TBC1D9: variants seen among roughly 807,000 people sequenced by gnomAD.
TBC1D9 encodes the protein TBC1 domain family member 9A.
A neutral mutation model predicts 132.0 loss-of-function variants in TBC1D9; 63 were observed. That is an observed-to-expected ratio of 0.48 (90% CI 0.39 to 0.59). The LOEUF (loss-of-function observed/expected upper bound fraction) is 0.59, where lower values mean the gene tolerates loss of function less well. Among genes scored for constraint, TBC1D9 ranks in the 20% least tolerant of loss-of-function variants. TBC1D9 has a pLI of 0.00. For missense variants in TBC1D9, 1,261 were observed against 1,592.7 expected (o/e 0.79, Z 3.54); for synonymous variants, 610 against 609.9 (o/e 1.00, Z 0.00).
chr4:140,675,261 A>G (rs1047556803), intron 6 of TBC1D9, among the ~76,000 whole-genome samples: 1 of 152,080 alleles, frequency 6.6e-6, no homozygotes, highest in African/African-American at 2.4e-5. Flanking sequence ...ATAAAGATAT[A>G]TTACTCTTAA....
chr4:140,659,023 T>C (rs547060680), intron 11 of TBC1D9, among the ~76,000 whole-genome samples: 10 of 152,300 alleles, frequency 6.6e-5, no homozygotes, highest in Admixed American at 2.6e-4. Flanking sequence ...AACAATATAC[T>C]GTACAACCCA....
At position 140,756,068 on chromosome 4, in the gene TBC1D9, C is replaced by G; in HGVS notation, c.-23G>C. On this transcript the variant is annotated 5_prime_UTR_variant, in exon 1 of 21. Coordinates refer to ENST00000442267, the MANE Select transcript of TBC1D9 (RefSeq NM_015130.3). This position sits in a 1 kb window ranked among gnomAD's most constrained non-coding sequence, Gnocchi z 5.6. Reference sequence around the variant, plus strand: ...CATGGTCCTGGCTGCCGCGGGCGGGCGCACAATGGGCCCGTGGGTCCAGTC... The same window carrying G: ...CATGGTCCTGGCTGCCGCGGGCGGGGGCACAATGGGCCCGTGGGTCCAGTC... 6.3e-7 allele frequency: 1 copy of G among 1,599,350 alleles called. No individual in the cohort carries two copies. Among genetic ancestry groups the G allele is most frequent in the Non-Finnish European group, 8.5e-7 (1 of 1,173,220 alleles).
chr4:140,640,392 A>T (rs914957873), intron 13 of TBC1D9, among the ~76,000 whole-genome samples: 1 of 145,050 alleles, frequency 6.9e-6, no homozygotes, highest in African/African-American at 2.5e-5. Context: ...TGCACTTTAC[A>T]TAAGATAAAC....
In TBC1D9 at chr4:140,679,858, A is replaced by G; in HGVS notation, c.361-15T>C. The G allele has an allele frequency of 6.3e-7, 1 of 1,594,644 alleles. No homozygotes were observed. The highest frequency in any genetic ancestry group is 8.6e-7 in the Non-Finnish European group (1 of 1,165,972). ...GCAATGATGCCCTAATAAGGAATAA[A>G]ACACAAAGCACACAACTGGTATTAA... On this transcript the variant is annotated splice_polypyrimidine_tract_variant and intron_variant, in intron 3 of 20. Transcript: ENST00000442267.
At chr4:140,737,623 G>A (rs889284333) in intron 1 of TBC1D9, among the ~76,000 whole-genome samples, 10 of 152,194 alleles carry the variant, frequency 6.6e-5, no homozygotes, top group Admixed American at 2.0e-4. Context: ...GTCACAGACA[G>A]TGATACATTC....
intron 1 of TBC1D9, among the ~76,000 whole-genome samples, chr4:140,709,348 A>T (rs1261775242): frequency 6.6e-6 from 1 of 151,400 alleles, no homozygotes; most frequent in Non-Finnish European, 1.5e-5. Context: ...TACACTGTTG[A>T]CTCAATTAGG....
chr4:140,689,083 G>A (rs1051242109), intron 2 of TBC1D9, among the ~76,000 whole-genome samples: 1 of 152,046 alleles, frequency 6.6e-6, no homozygotes, highest in Non-Finnish European at 1.5e-5. Flanking sequence ...GTACTCCTGG[G>A]AACCACAGGA....
rs182022263 is a variant in TBC1D9 at position 140,745,249 on chromosome 4, T to C, written c.130+10667A>G. On this transcript the variant is annotated intron_variant, in intron 1 of 20. Coordinates refer to ENST00000442267, the MANE Select transcript of TBC1D9 (RefSeq NM_015130.3). ...ATGTGCCTTGGACCACAGTCACTCATATTAGGCTCAGAATAGACTTCTTTA... is the reference window on the plus strand; with the variant it reads ...ATGTGCCTTGGACCACAGTCACTCACATTAGGCTCAGAATAGACTTCTTTA... Among the ~76,000 whole-genome samples the C allele has an allele frequency of 4.9e-4, 74 of 152,384 alleles. No individual in the cohort carries two copies. The East Asian group carries it at 0.012, about 25-fold the overall frequency.
At chr4:140,729,519 A>C (rs957647084) in intron 1 of TBC1D9, among the ~76,000 whole-genome samples, 5 of 152,182 alleles carry the variant, frequency 3.3e-5, no homozygotes, top group African/African-American at 1.2e-4. Context: ...TAGAATAAAA[A>C]ATAATGACAC....
intron 1 of TBC1D9, among the ~76,000 whole-genome samples, chr4:140,727,953 C>T (rs1051660323): frequency 1.7e-4 from 26 of 152,188 alleles, no homozygotes; most frequent in Non-Finnish European, 3.2e-4. Context: ...TAATTAAATT[C>T]TTTCTCCAGA....
chr4:140,694,944 A>T (rs1420831609), intron 2 of TBC1D9, among the ~76,000 whole-genome samples: 1 of 152,168 alleles, frequency 6.6e-6, no homozygotes, highest in Non-Finnish European at 1.5e-5. Flanking sequence ...CTGTGTTTCT[A>T]AAGATACGAG....
intron 2 of TBC1D9, among the ~76,000 whole-genome samples, chr4:140,691,933 C>T (rs1221044008): frequency 6.6e-6 from 1 of 152,158 alleles, no homozygotes; most frequent in African/African-American, 2.4e-5. Flanking sequence ...ATGATTCTAT[C>T]ACTTCTGGCC....
chr4:140,693,145 T>C (rs1737902368), intron 2 of TBC1D9, among the ~76,000 whole-genome samples: 3 of 152,212 alleles, frequency 2.0e-5, no homozygotes, highest in Admixed American at 2.0e-4. Flanking sequence ...TTTATTTTAA[T>C]AGAGACAGAG....
intron 2 of TBC1D9, among the ~76,000 whole-genome samples, chr4:140,689,443 T>TTTC (rs1737839689): frequency 4.5e-5 from 2 of 44,598 alleles, no homozygotes; most frequent in African/African-American, 2.1e-4. Context: ...CCCCTCCCAT[T>TTTC]CCTTCCCTTC....
At chr4:140,750,185 A>G (rs1286987844) in intron 1 of TBC1D9, among the ~76,000 whole-genome samples, 1 of 152,044 alleles carries the variant, frequency 6.6e-6, no homozygotes, top group East Asian at 1.9e-4. Flanking sequence ...TACAAAAATC[A>G]CCATACTTAA....
intron 13 of TBC1D9, among the ~76,000 whole-genome samples, chr4:140,648,044 G>C (rs150124858): frequency 6.2e-4 from 95 of 152,194 alleles, no homozygotes; most frequent in Non-Finnish European, 1.2e-3. Context: ...CCAAAACAAA[G>C]ACACAGGTGT....
chr4:140,751,609 G>A (rs1578868026), intron 1 of TBC1D9, among the ~76,000 whole-genome samples: 2 of 152,084 alleles, frequency 1.3e-5, no homozygotes. Flanking sequence ...CAGGACTTAA[G>A]GAATTTTAAA....
rs146646443 is a variant in TBC1D9, at chr4:140,630,570, G to A, written c.2747-2205C>T. On this transcript the variant is annotated intron_variant, in intron 16 of 20. Transcript: ENST00000442267. ...TTTAGGATGTTAGTCTGCCATTTTC[G>A]TGATTTGCTGGCTCTCAGAATAAAC... Among the ~76,000 whole-genome samples, 361 of 152,210 alleles carry A rather than the reference G, an allele frequency of 2.4e-3. 1 individual carries two copies. Among genetic ancestry groups the A allele is most frequent in the African/African-American group, 7.5e-3 (311 of 41,536 alleles).
chr4:140,688,171 T>C (rs1578841275), intron 2 of TBC1D9, among the ~76,000 whole-genome samples: 1 of 152,174 alleles, frequency 6.6e-6, no homozygotes, highest in Admixed American at 6.5e-5. Context: ...CTCCTCTTCC[T>C]GGGTATTTTC....
Sources: allele counts gnomAD v4.1 joint callset (sites outside exome capture counted in the v4.1 genomes callset), GRCh38; gene constraint gnomAD v4.1.1; non-coding constraint Gnocchi (gnomAD v3.1); transcripts MANE v1.5; gene names NCBI Gene and HGNC (gene_info 2026-07-23, HGNC 2026-07-21).